Variants in DLGAP2 observed in about 807,000 individuals in gnomAD.
DLGAP2 encodes the protein DLG associated protein 2.
DLGAP2 carries 26 observed loss-of-function variants against 100.3 expected under a neutral mutation model. The observed-to-expected ratio is 0.26, with a 90% CI of 0.19 to 0.36. The LOEUF (loss-of-function observed/expected upper bound fraction) is 0.36, where lower values mean the gene tolerates loss of function less well. Among genes scored for constraint, DLGAP2 ranks in the 10% least tolerant of loss-of-function variants. DLGAP2 has a pLI of 1.00. For synonymous variants in DLGAP2, 886 were observed against 630.1 expected (o/e 1.41, Z -6.08); for missense variants, 1,858 against 1,453.2 (o/e 1.28, Z -4.53).
intron 3 of DLGAP2, among the ~76,000 whole-genome samples, chr8:1,265,794 CAATA>C (rs1799438463): frequency 6.6e-6 from 1 of 151,650 alleles, no homozygotes; most frequent in African/African-American, 2.4e-5. Context: ...ATTTCTGAGA[CAATA>C]AAGAGAGTGA....
intron 8 of DLGAP2, among the ~76,000 whole-genome samples, chr8:1,640,967 T>C (rs1303357144): frequency 6.6e-6 from 1 of 152,064 alleles, no homozygotes; most frequent in African/African-American, 2.4e-5. Context: ...TGGGGACCGG[T>C]AGGGAGAAGC....
intron 2 of DLGAP2, among the ~76,000 whole-genome samples, chr8:940,255 T>A (rs1219598183): frequency 6.6e-6 from 1 of 152,042 alleles, no homozygotes; most frequent in Non-Finnish European, 1.5e-5. Flanking sequence ...ATGGCGACAT[T>A]CTGAGCTGGT....
chr8:1,416,963 G>T (rs2129909895), intron 3 of DLGAP2, among the ~76,000 whole-genome samples: 1 of 152,298 alleles, frequency 6.6e-6, no homozygotes, highest in African/African-American at 2.4e-5. Context: ...GCCCAGCTCA[G>T]TGCGGCTGTG....
At chr8:1,254,535 A>G (rs1799127389) in intron 2 of DLGAP2, among the ~76,000 whole-genome samples, 1 of 152,104 alleles carries the variant, frequency 6.6e-6, no homozygotes. Flanking sequence ...GGGCGCGATC[A>G]TTGGCAGCAC....
intron 3 of DLGAP2, among the ~76,000 whole-genome samples, chr8:1,304,295 G>T (rs2178855): frequency 0.48 from 72,659 of 152,098 alleles, 17,615 homozygotes; most frequent in Admixed American, 0.53. Flanking sequence ...CACACCCAGG[G>T]TGGCAGGTGC....
intron 3 of DLGAP2, chr8:1,380,251 G>C (rs1433923933): frequency 6.6e-6 from 1 of 152,224 alleles, no homozygotes; most frequent in African/African-American, 2.4e-5. Context: ...GCAGAGACAT[G>C]AACGCGAGTG....
At chr8:1,582,600 C>T (rs894745448) in intron 6 of DLGAP2, among the ~76,000 whole-genome samples, 2 of 150,890 alleles carry the variant, frequency 1.3e-5, no homozygotes, top group Non-Finnish European at 2.9e-5. Context: ...CTTTTCTTTT[C>T]CCCCGCCAAG....
intron 2 of DLGAP2, among the ~76,000 whole-genome samples, chr8:1,038,281 A>C (rs1408709769): frequency 2.6e-5 from 4 of 152,128 alleles, no homozygotes; most frequent in Non-Finnish European, 5.9e-5. Context: ...TTCTTCCAGA[A>C]CCTTTTTTCC....
chr8:1,018,249 C>T (rs997740868), intron 2 of DLGAP2, among the ~76,000 whole-genome samples: 2 of 152,176 alleles, frequency 1.3e-5, no homozygotes, highest in African/African-American at 2.4e-5. Context: ...TTATCCCAGA[C>T]TCTGACACCA....
intron 2 of DLGAP2, among the ~76,000 whole-genome samples, chr8:1,028,362 G>C (rs1801876490): frequency 6.9e-6 from 1 of 144,990 alleles, no homozygotes; most frequent in Non-Finnish European, 1.5e-5. Context: ...TTATTCTCCA[G>C]GTGGGGTGTC....
chr8:1,246,942 G>A (rs1275117952), intron 2 of DLGAP2: 1 of 144,520 alleles, frequency 6.9e-6, no homozygotes, highest in Non-Finnish European at 1.5e-5. Context: ...GGTCCATGTC[G>A]GTGGCCAGGA....
chr8:1,200,275 C>T (rs773498981), intron 2 of DLGAP2, among the ~76,000 whole-genome samples: 16 of 152,198 alleles, frequency 1.1e-4, no homozygotes, highest in Non-Finnish European at 2.2e-4. Context: ...CTTCATGCGC[C>T]GTCTCCAGCC....
chr8:1,695,823 C>A (rs1354030089), intron 13 of DLGAP2, among the ~76,000 whole-genome samples: 3 of 152,256 alleles, frequency 2.0e-5, no homozygotes. Context: ...GACTTCGGTG[C>A]AGAACGTGGC....
In DLGAP2 at chr8:1,260,003, C is replaced by G. The variant is rs78588409; in HGVS notation, c.106+1120C>G. Among the ~76,000 whole-genome samples the G allele has an allele frequency of 2.6e-5, 4 of 152,238 alleles. No homozygotes were observed. In the East Asian group the frequency reaches 7.7e-4, roughly 29 times the overall value. ...CTTCACTTTTATGCAAAACATCAGA[C>G]TTTGGACACCTGGCATTTCCAGAGT... On this transcript the variant is annotated intron_variant, in intron 3 of 14. Transcript: ENST00000637795.
At chr8:1,052,557 C>G (rs147338643) in intron 2 of DLGAP2, among the ~76,000 whole-genome samples, 76 of 152,282 alleles carry the variant, frequency 5.0e-4, no homozygotes, top group African/African-American at 1.7e-3. Flanking sequence ...GACGGGGACT[C>G]ACAGGCAGGG....
intron 2 of DLGAP2, chr8:927,278 T>A: frequency 1.0e-6 from 1 of 971,332 alleles, no homozygotes; most frequent in African/African-American, 1.8e-5. Context: ...CTATGGGGAT[T>A]TTCTTGAAGC....
chr8:1,076,203 C>G (rs1381252319), intron 2 of DLGAP2, among the ~76,000 whole-genome samples: 1 of 152,196 alleles, frequency 6.6e-6, no homozygotes, highest in Admixed American at 6.5e-5. Context: ...CTCCGCCTCT[C>G]CCCTCACCCC....
chr8:1,282,877 C>T (rs1469359710), intron 3 of DLGAP2, among the ~76,000 whole-genome samples: 2 of 110,696 alleles, frequency 1.8e-5, no homozygotes, highest in South Asian at 6.2e-4. Flanking sequence ...GAACCCAGCG[C>T]CCTGAACCAT....
intron 3 of DLGAP2, among the ~76,000 whole-genome samples, chr8:1,299,614 T>C (rs1445498137): frequency 6.6e-6 from 1 of 152,232 alleles, no homozygotes; most frequent in Admixed American, 6.5e-5. Flanking sequence ...ATATTCATTT[T>C]AAAAGCTTGT....
Sources: gnomAD v4.1 joint callset for allele counts (sites outside exome capture counted in the v4.1 genomes callset) on GRCh38, gnomAD v4.1.1 for gene constraint, MANE v1.5 for transcripts, NCBI Gene and HGNC (gene_info 2026-07-23, HGNC 2026-07-21) for gene names.